Variants in FAM184A observed in about 807,000 individuals in gnomAD.
FAM184A encodes the protein protein FAM184A.
FAM184A carries 99 observed loss-of-function variants against 143.8 expected under a neutral mutation model. The ratio of observed to expected loss-of-function variants is 0.69; its 90% CI spans 0.58 to 0.81. FAM184A has a LOEUF of 0.81. Among genes scored for constraint, FAM184A ranks in the 40% least tolerant of loss-of-function variants. FAM184A has a pLI of 0.00. For synonymous variants in FAM184A, 427 were observed against 446.4 expected (o/e 0.96, Z 0.55); for missense variants, 1,217 against 1,310.5 (o/e 0.93, Z 1.10).
At chr6:119,112,657 G>C (rs1788963526) in intron 1 of FAM184A, among the ~76,000 whole-genome samples, 1 of 152,182 alleles carries the variant, frequency 6.6e-6, no homozygotes, top group Non-Finnish European at 1.5e-5. Context: ...ACCCTGAAGA[G>C]TGGCCACAGG....
intron 9 of FAM184A, among the ~76,000 whole-genome samples, chr6:118,999,799 G>T (rs1052229546): frequency 1.3e-5 from 2 of 152,174 alleles, no homozygotes; most frequent in Non-Finnish European, 2.9e-5. Flanking sequence ...TCAACATGAT[G>T]TCCCCCAATG....
chr6:119,013,446 A>G (rs1785148182), intron 5 of FAM184A, among the ~76,000 whole-genome samples: 1 of 152,220 alleles, frequency 6.6e-6, no homozygotes, highest in Admixed American at 6.5e-5. Flanking sequence ...GTAGAAATGA[A>G]AAGTAATACC....
At chr6:119,080,474 T>C (rs1788029951), upstream of FAM184A, among the ~76,000 whole-genome samples, 2 of 152,098 alleles carry the variant, frequency 1.3e-5, no homozygotes, top group Admixed American at 6.5e-5. Flanking sequence ...TGTCACTTCA[T>C]GAATTTAATA....
At chr6:118,971,800 C>T (rs1251005745) in intron 14 of FAM184A, among the ~76,000 whole-genome samples, 5 of 152,174 alleles carry the variant, frequency 3.3e-5, no homozygotes, top group South Asian at 2.1e-4. Flanking sequence ...CCATCCTTTA[C>T]ATGTGTTGCC....
chr6:119,090,451 A>G (rs977527756), intron 1 of FAM184A, among the ~76,000 whole-genome samples: 1 of 152,192 alleles, frequency 6.6e-6, no homozygotes, highest in Non-Finnish European at 1.5e-5. Flanking sequence ...CAGGTGCTTG[A>G]GGGAAAACTG....
intron 1 of FAM184A, among the ~76,000 whole-genome samples, chr6:119,025,073 T>C (rs997870842): frequency 3.3e-5 from 5 of 152,182 alleles, no homozygotes; most frequent in African/African-American, 4.8e-5. Context: ...TTTAAGACTA[T>C]TTTTTACTAC....
intron 1 of FAM184A, among the ~76,000 whole-genome samples, chr6:119,095,474 C>T (rs184866269): frequency 6.0e-4 from 92 of 152,250 alleles, no homozygotes; most frequent in African/African-American, 2.1e-3. Context: ...CAGAATTTAG[C>T]TCTACCTTTC....
At chr6:119,076,345 C>T (rs925732823) in intron 1 of FAM184A, among the ~76,000 whole-genome samples, 4 of 152,096 alleles carry the variant, frequency 2.6e-5, no homozygotes, top group African/African-American at 7.2e-5. Flanking sequence ...AGAGAGTCCA[C>T]GTAACACTCA....
rs1421235194 is a variant in FAM184A, at chr6:118,980,270, C to T, written c.2169G>A (p.Thr723=). 1.3e-5 allele frequency: 21 copies of T among 1,613,970 alleles called. No homozygotes were observed. Among genetic ancestry groups the T allele is most frequent in the African/African-American group, 2.7e-5 (2 of 74,896 alleles). ...TSLQQLQAQF[T]QERQRLTQEL... is the part of the protein sequence containing the mutation. ...CTTGCGTAAGCCGCTGTCGTTCTTG[C>T]GTAAACTGGGCTTGCAGTTGTTGCA... Residue 723 remains threonine, a synonymous_variant, in exon 10 of 18, where the codon ACG becomes ACA. Coordinates refer to ENST00000338891, the MANE Select transcript of FAM184A (RefSeq NM_024581.6).
chr6:119,082,761 TGTTGA>T (rs1230286898), upstream of FAM184A, among the ~76,000 whole-genome samples: 10 of 152,334 alleles, frequency 6.6e-5, no homozygotes, highest in South Asian at 1.7e-3. Context: ...CATGGGCCAG[TGTTGA>T]GCGCCTGTGG....
chr6:119,147,428 G>A (rs1396022764), intron 1 of FAM184A, among the ~76,000 whole-genome samples: 1 of 152,140 alleles, frequency 6.6e-6, no homozygotes, highest in Non-Finnish European at 1.5e-5. Flanking sequence ...GCTGACATAA[G>A]ATGAGGGCTC....
chr6:119,104,897 A>G (rs1348897706), intron 1 of FAM184A, among the ~76,000 whole-genome samples: 1 of 143,438 alleles, frequency 7.0e-6, no homozygotes, highest in East Asian at 1.9e-4. Context: ...TGATGTGATG[A>G]AAATAGCAGT....
chr6:119,091,547 C>T (rs1788368964), intron 1 of FAM184A, among the ~76,000 whole-genome samples: 2 of 152,188 alleles, frequency 1.3e-5, no homozygotes, highest in South Asian at 2.1e-4. Context: ...CTTGTTGTGC[C>T]TCCTTCACTA....
At chr6:119,091,211 A>G (rs1051556962) in intron 1 of FAM184A, among the ~76,000 whole-genome samples, 5 of 152,132 alleles carry the variant, frequency 3.3e-5, no homozygotes, top group African/African-American at 4.8e-5. Flanking sequence ...AATTCTTTGC[A>G]TTTTTTAAGA....
At position 118,980,230 on chromosome 6, in the gene FAM184A, C is replaced by G; in HGVS notation, c.2209G>C (p.Glu737Gln). ...TTGTGTCTTTGCTGATGTTGCTCCT[C>G]TAATTCTTCAAGCTCTTGCGTAAGC... is the stretch of plus-strand genomic sequence containing the variant. ...QRLTQELEEL[E>Q]EQHQQRHKSL... Residue 737 changes from glutamate to glutamine, a missense_variant, in exon 10 of 18, where the codon GAG (glutamate) becomes CAG (glutamine). Transcript: ENST00000338891. The G allele has an allele frequency of 6.2e-7, 1 of 1,614,180 alleles. No homozygotes were observed. Among genetic ancestry groups the G allele is most frequent in the Non-Finnish European group, 8.5e-7 (1 of 1,180,010 alleles).
At position 118,975,119 on chromosome 6, in the gene FAM184A, C is replaced by A; in HGVS notation, c.2673G>T (p.Gln891His). Residue 891 changes from glutamine (Q) to histidine (H), a missense_variant, in exon 13 of 18, where the codon CAG becomes CAT. Physicochemically the swap from Gln to His is conservative, Grantham distance 24. Transcript: ENST00000338891. ...HHISELDKEV[Q>H]HLHENISALT... ...GGGCACTTATATTCTCATGAAGGTG[C>A]TGAACCTCCTTATCCAATTCAGAGA... is the stretch of plus-strand genomic sequence containing the variant. 1 of 1,612,926 alleles carries A rather than the reference C, an allele frequency of 6.2e-7. No individual in the cohort carries two copies. Among genetic ancestry groups the A allele is most frequent in the Non-Finnish European group, 8.5e-7 (1 of 1,179,260 alleles).
intron 1 of FAM184A, among the ~76,000 whole-genome samples, chr6:119,133,084 T>C (rs750142355): frequency 6.6e-6 from 1 of 152,154 alleles, no homozygotes; most frequent in Non-Finnish European, 1.5e-5. Flanking sequence ...TACTCAATTG[T>C]GGATATTTTG....
chr6:118,974,326 T>C (rs1225832385), intron 14 of FAM184A, 102 bp downstream of exon 14: 4 of 1,142,590 alleles, frequency 3.5e-6, no homozygotes, highest in Non-Finnish European at 4.9e-6. Flanking sequence ...CTTTTTAAAG[T>C]ATCCTTTTTA....
intron 9 of FAM184A, among the ~76,000 whole-genome samples, chr6:118,985,248 G>A (rs1001124760): frequency 6.6e-6 from 1 of 152,188 alleles, no homozygotes; most frequent in African/African-American, 2.4e-5. Flanking sequence ...AGTGCTTAAT[G>A]TCCATAGCAG....
Sources: allele counts gnomAD v4.1 joint callset (sites outside exome capture counted in the v4.1 genomes callset), GRCh38; gene constraint gnomAD v4.1.1; transcripts MANE v1.5; gene names NCBI Gene and HGNC (gene_info 2026-07-23, HGNC 2026-07-21).